RTL4: variants seen among roughly 807,000 people sequenced by gnomAD.
The protein encoded by RTL4 is retrotransposon Gag like 4, also known as retrotransposon Gag-like protein 4.
In RTL4, 4 loss-of-function variants were observed where a neutral mutation model predicts 5.3. The observed-to-expected ratio is 0.75, with a 90% CI of 0.37 to 1.72. The LOEUF (loss-of-function observed/expected upper bound fraction) is 1.72. Ranked by LOEUF, RTL4 falls within the 40% of genes most tolerant of loss-of-function variation. The pLI, the probability that RTL4 is intolerant of heterozygous loss-of-function variation, is 0.04. For synonymous variants in RTL4, 98 were observed against 87.3 expected, an observed-to-expected ratio of 1.12 and a Z score of -0.68; for missense variants, 260 against 227.1, an observed-to-expected ratio of 1.14 and a Z score of -0.93.
chrX:112,392,938 C>T, the RTL4 span, among the ~76,000 whole-genome samples: 1 of 110,399 alleles, frequency 9.1e-6, no homozygotes, highest in African/African-American at 3.3e-5. Context: ...GCTAGGTCAC[C>T]CAAACAGCAA....
the RTL4 span, among the ~76,000 whole-genome samples, chrX:112,171,391 T>G: frequency 8.9e-6 from 1 of 112,038 alleles, no homozygotes; most frequent in Admixed American, 9.4e-5. Flanking sequence ...CCTGGGCTTC[T>G]TTTGGTTAGT....
chrX:112,426,661 C>A, the RTL4 span, among the ~76,000 whole-genome samples: 1 of 111,266 alleles, frequency 9.0e-6, no homozygotes, highest in Non-Finnish European at 1.9e-5. Context: ...TGTTTTTAAT[C>A]TCAAATTCCA....
At chrX:112,335,261 A>G in the RTL4 span, among the ~76,000 whole-genome samples, 8 of 111,230 alleles carry the variant, frequency 7.2e-5, no homozygotes, top group Admixed American at 7.7e-4. Flanking sequence ...TTGATTATTT[A>G]TTTTTTGGAG....
At chrX:112,138,990 T>C in the RTL4 span, among the ~76,000 whole-genome samples, 1 of 111,596 alleles carries the variant, frequency 9.0e-6, no homozygotes, top group Non-Finnish European at 1.9e-5. Flanking sequence ...CACATTGTAT[T>C]TAGTTGTCCT....
At chrX:112,229,006 T>C in the RTL4 span, among the ~76,000 whole-genome samples, 2 of 112,004 alleles carry the variant, frequency 1.8e-5, no homozygotes, top group African/African-American at 6.5e-5. Context: ...CGAGTGAAGC[T>C]TGACATTTAT....
At chrX:112,220,514 A>G in the RTL4 span, among the ~76,000 whole-genome samples, 5 of 112,567 alleles carry the variant, frequency 4.4e-5, no homozygotes, top group African/African-American at 1.6e-4. Context: ...TTTCCCCATT[A>G]TCCTGGCAAT....
At chrX:112,353,685 G>A in the RTL4 span, among the ~76,000 whole-genome samples, 2 of 110,112 alleles carry the variant, frequency 1.8e-5, no homozygotes, top group African/African-American at 6.6e-5. Flanking sequence ...GACTGTTGTG[G>A]GGTATGGGGA....
the RTL4 span, among the ~76,000 whole-genome samples, chrX:112,306,921 T>A: frequency 2.7e-5 from 3 of 111,817 alleles, no homozygotes; most frequent in Non-Finnish European, 3.8e-5. Context: ...GAGGAGCTTG[T>A]CCTTAGCACT....
chrX:112,404,825 G>A, the RTL4 span, among the ~76,000 whole-genome samples: 3 of 112,316 alleles, frequency 2.7e-5, no homozygotes, highest in Non-Finnish European at 5.6e-5. Context: ...TATTTCCCTG[G>A]AACACACATT....
chrX:112,351,874 G>A, the RTL4 span, among the ~76,000 whole-genome samples: 2 of 111,327 alleles, frequency 1.8e-5, no homozygotes, highest in African/African-American at 6.5e-5. Flanking sequence ...TACATTTAAA[G>A]TTAATATTGT....
the RTL4 span, among the ~76,000 whole-genome samples, chrX:112,346,044 G>GCA: frequency 2.7e-5 from 3 of 111,333 alleles, no homozygotes; most frequent in East Asian, 5.7e-4. Flanking sequence ...TCTGACATAT[G>GCA]CACACACACA....
At chrX:112,279,377 T>C in the RTL4 span, among the ~76,000 whole-genome samples, 2 of 111,425 alleles carry the variant, frequency 1.8e-5, no homozygotes, top group Non-Finnish European at 3.8e-5. Context: ...TGAGAATGAT[T>C]TAACAGAGAA....
the RTL4 span, among the ~76,000 whole-genome samples, chrX:112,425,708 C>T: frequency 4.5e-5 from 5 of 111,592 alleles, no homozygotes; most frequent in Non-Finnish European, 7.6e-5. Flanking sequence ...TATATGCTTT[C>T]CTACCATCTA....
chrX:112,102,499 C>A, the RTL4 span, among the ~76,000 whole-genome samples: 2 of 111,610 alleles, frequency 1.8e-5, no homozygotes, highest in Non-Finnish European at 3.8e-5. Flanking sequence ...AGCAATAACA[C>A]CTCATAAAAT....
At chrX:112,215,939 C>T in the RTL4 span, among the ~76,000 whole-genome samples, 3 of 111,785 alleles carry the variant, frequency 2.7e-5, no homozygotes, top group Non-Finnish European at 5.6e-5. Context: ...GTTCTAATTT[C>T]TCACCACTGA....
At chrX:112,437,536 A>C in the RTL4 span, among the ~76,000 whole-genome samples, 1 of 111,078 alleles carries the variant, frequency 9.0e-6, no homozygotes, top group South Asian at 3.8e-4. Context: ...ATATATATAT[A>C]TATACAACAA....
the RTL4 span, among the ~76,000 whole-genome samples, chrX:112,135,593 CT>C: frequency 2.7e-5 from 3 of 110,493 alleles, no homozygotes; most frequent in African/African-American, 6.5e-5. Context: ...CCTAAGAAAT[CT>C]CTGCCTAAAA....
chrX:112,360,680 T>C, the RTL4 span, among the ~76,000 whole-genome samples: 1 of 111,137 alleles, frequency 9.0e-6, no homozygotes, highest in Admixed American at 9.6e-5. Context: ...TTTTGAAAAC[T>C]CATTTCACCA....
At chrX:112,402,907 G>C in the RTL4 span, among the ~76,000 whole-genome samples, 1 of 111,767 alleles carries the variant, frequency 8.9e-6, no homozygotes, top group African/African-American at 3.2e-5. Context: ...GGAAATGAAA[G>C]TGTGCTAAAT....
Sources: gnomAD v4.1 joint callset for allele counts (sites outside exome capture counted in the v4.1 genomes callset) on GRCh38, gnomAD v4.1.1 for gene constraint, MANE v1.5 for transcripts, NCBI Gene and HGNC (gene_info 2026-07-23, HGNC 2026-07-21) for gene names.